The following IGSF3 variants were observed in gnomAD, a reference collection of about 807,000 sequenced individuals.
IGSF3 encodes the protein glu-Trp-Ile EWI motif-containing protein 3.
In IGSF3, 23 loss-of-function variants were observed where a neutral mutation model predicts 114.4. The ratio of observed to expected loss-of-function variants is 0.20; its 90% CI spans 0.14 to 0.28. The LOEUF (loss-of-function observed/expected upper bound fraction) is 0.28. IGSF3 is among the 10% of genes least tolerant of loss of function. IGSF3 has a pLI of 1.00. For synonymous variants in IGSF3, 571 were observed against 645.2 expected (o/e 0.88, Z 1.74); for missense variants, 1,172 against 1,591.5 (o/e 0.74, Z 4.48).
rs776597937 is a variant in IGSF3, at chr1:116,600,304, C to A, written c.1666G>T (p.Val556Leu). The change falls in exon 7 of 11, where the codon GTG becomes TTG. Residue 556 changes from valine (V) to leucine (L), a missense_variant. By Grantham distance (32) the Val-to-Leu change is conservative. This residue lies in a region of IGSF3 where 736 missense variants were observed against 1,042.0 expected (regional missense o/e 0.71). Transcript: ENST00000369486. This position sits in a 1 kb window ranked among gnomAD's most constrained non-coding sequence, Gnocchi z 5.5. ...AVTAISRTPG[V>L]TYSDSFDLQC... ...AAGTCAAAGGAGTCGCTGTAGGTCA[C>A]CCCCGGTGTCCGGGAGATGGCTGTG... The A allele has an allele frequency of 6.2e-7, 1 of 1,611,832 alleles. No homozygotes were observed. Among genetic ancestry groups the A allele is most frequent in the African/African-American group, 1.3e-5 (1 of 74,904 alleles).
At chr1:116,646,706 G>A (rs1254113875) in intron 2 of IGSF3, among the ~76,000 whole-genome samples, 4 of 152,172 alleles carry the variant, frequency 2.6e-5, no homozygotes, top group Admixed American at 6.5e-5. Context: ...GAACAAAGCC[G>A]GGGTCCCTCA....
rs187840712 is a variant in IGSF3 at position 116,615,269 on chromosome 1, C to T, written c.421+811G>A. ...AGCCTGGGCAACAAGAGCGAAGCTC[C>T]ATCACACATACACACATACACACAC... On this transcript the variant is annotated intron_variant, in intron 3 of 10. Coordinates refer to ENST00000369486, the MANE Select transcript of IGSF3 (RefSeq NM_001007237.3). The surrounding 1 kb of genome is among the most constrained non-coding windows in gnomAD (Gnocchi z 4.3). 3.2e-3 allele frequency among the ~76,000 whole-genome samples: 485 copies of T among 149,858 alleles called. 1 individual carries two copies. Among genetic ancestry groups the T allele is most frequent in the Non-Finnish European group, 3.9e-3 (266 of 67,694 alleles).
rs754121541 is a variant in IGSF3, at chr1:116,579,660, G to GTCA, written c.3065_3066insTGA (p.Asp1026dup). On this transcript the variant is annotated inframe_insertion, in exon 10 of 11. Coordinates refer to ENST00000369486, the MANE Select transcript of IGSF3 (RefSeq NM_001007237.3). The surrounding 1 kb of genome is among the most constrained non-coding windows in gnomAD (Gnocchi z 6.4). ...TCCGCTCTGTTGGGTCGTCGTCGTC[G>GTCA]TCGTCGTCCTCCTCCTCCTCCTCCT... 7.6e-4 allele frequency: 1,211 copies of GTCA among 1,596,206 alleles called. 14 individuals are homozygous for GTCA. The Admixed American group carries it at 0.019, about 25-fold the overall frequency.
Position 116,592,541 on chromosome 1 carries a change from A to T in IGSF3, c.2030-3437T>A, listed in dbSNP as rs1039304273. On this transcript the variant is annotated intron_variant, in intron 7 of 10. Transcript: ENST00000369486. This position sits in a 1 kb window ranked among gnomAD's most constrained non-coding sequence, Gnocchi z 4.5. ...GGTAGGAGAGGCTGTTGTGTTTGTT[A>T]CAGGCCAGGATAGGGTGGTTTCAAG... Among the ~76,000 whole-genome samples the T allele has an allele frequency of 2.6e-5, 4 of 152,292 alleles. No homozygotes were observed. Among genetic ancestry groups the T allele is most frequent in the African/African-American group, 9.6e-5 (4 of 41,550 alleles).
In IGSF3 at chr1:116,643,185, A is replaced by G. The variant is rs1230119651; in HGVS notation, c.43+23099T>C. On this transcript the variant is annotated intron_variant, in intron 2 of 10. Coordinates refer to ENST00000369486, the MANE Select transcript of IGSF3 (RefSeq NM_001007237.3). ...TTCTGGAGTTGATCATTTCACAGAA[A>G]GGAAACTGCTATCAACCTGTCTGAG... 3.9e-5 allele frequency among the ~76,000 whole-genome samples: 6 copies of G among 152,206 alleles called. No individual in the cohort carries two copies. The East Asian group carries it at 1.2e-3, about 29-fold the overall frequency.
At chr1:116,640,173 G>A (rs2101052878) in intron 2 of IGSF3, among the ~76,000 whole-genome samples, 1 of 152,140 alleles carries the variant, frequency 6.6e-6, no homozygotes. Flanking sequence ...GACAACAGCA[G>A]CCATTGCAAG....
chr1:116,588,803 G>A lies in IGSF3; in HGVS notation c.2331C>T (p.Ser777=), dbSNP rs141763821. 747 of 1,613,942 alleles carry A rather than the reference G, an allele frequency of 4.6e-4. 5 individuals are homozygous for A. The African/African-American group carries it at 8.5e-3, about 18-fold the overall frequency. The part of the protein sequence containing the change: ...LTVQRAEVSD[S]GSYYCHVEEW... ...CCTCCACGTGGCAGTAGTAGCTGCC[G>A]CTGTCGCTGACCTCGGCTCTCTGGA... Residue 777 remains serine, a synonymous_variant, in exon 8 of 11, where the codon AGC becomes AGT. Coordinates refer to ENST00000369486, the MANE Select transcript of IGSF3 (RefSeq NM_001007237.3). This position sits in a 1 kb window ranked among gnomAD's most constrained non-coding sequence, Gnocchi z 4.9.
rs908314084 is a variant in IGSF3, at chr1:116,585,737, C to G, written c.2441-685G>C. Among the ~76,000 whole-genome samples, 4 of 152,060 alleles carry G rather than the reference C, an allele frequency of 2.6e-5. No homozygotes were observed. Among genetic ancestry groups the G allele is most frequent in the Non-Finnish European group, 5.9e-5 (4 of 68,008 alleles). On this transcript the variant is annotated intron_variant, in intron 8 of 10. Coordinates refer to ENST00000369486, the MANE Select transcript of IGSF3 (RefSeq NM_001007237.3). This position sits in a 1 kb window ranked among gnomAD's most constrained non-coding sequence, Gnocchi z 4.9. ...AGGAGTTTGAGACCAGCCTGGCCAA[C>G]ACAATGAAACCCCATCTCTACTAAA...
At chr1:116,578,913 A>G (rs1306266012) in intron 10 of IGSF3, among the ~76,000 whole-genome samples, 1 of 152,148 alleles carries the variant, frequency 6.6e-6, no homozygotes, top group Non-Finnish European at 1.5e-5. Context: ...CCAACCATAC[A>G]AGATCCACCT....
chr1:116,654,156 C>T lies in IGSF3; in HGVS notation c.43+12128G>A, dbSNP rs1363465650. ...CAACACACCACCATCTCCAAACCAA[C>T]ACCAAACCACTGCCAAACAAAGCTG... On this transcript the variant is annotated intron_variant, in intron 2 of 10. Transcript: ENST00000369486. This position sits in a 1 kb window ranked among gnomAD's most constrained non-coding sequence, Gnocchi z 4.4. Among the ~76,000 whole-genome samples, 1 of 152,210 alleles carries T rather than the reference C, an allele frequency of 6.6e-6. No individual in the cohort carries two copies. The highest frequency in any genetic ancestry group is 2.4e-5 in the African/African-American group (1 of 41,464).
Position 116,595,220 on chromosome 1 carries a change from A to T in IGSF3, c.2029+4721T>A, listed in dbSNP as rs1381680405. The stretch of plus-strand genomic sequence containing the variant: ...GTAGGGCAGTGACCCTGGCTCCTTG[A>T]TGCCAATAACAAGTGCCCCGGTGTT... On this transcript the variant is annotated intron_variant, in intron 7 of 10. Coordinates refer to ENST00000369486, the MANE Select transcript of IGSF3 (RefSeq NM_001007237.3). This position sits in a 1 kb window ranked among gnomAD's most constrained non-coding sequence, Gnocchi z 4.2. Among the ~76,000 whole-genome samples, 2 of 152,176 alleles carry T rather than the reference A, an allele frequency of 1.3e-5. No homozygotes were observed. The highest frequency in any genetic ancestry group is 2.4e-5 in the African/African-American group (1 of 41,428).
intron 7 of IGSF3, among the ~76,000 whole-genome samples, chr1:116,597,779 CAG>C (rs1233347352): frequency 6.6e-6 from 1 of 152,206 alleles, no homozygotes; most frequent in Non-Finnish European, 1.5e-5. Flanking sequence ...CTATGGAAGT[CAG>C]AGATACCTGG....
At chr1:116,578,245 C>A (rs548712853) in intron 10 of IGSF3, among the ~76,000 whole-genome samples, 1 of 152,298 alleles carries the variant, frequency 6.6e-6, no homozygotes, top group East Asian at 1.9e-4. Context: ...TAAAATAAGG[C>A]TGCTGGGTGA....
rs1661203675 is a variant in IGSF3, at chr1:116,616,046, A to G, written c.421+34T>C. On this transcript the variant is annotated intron_variant, in intron 3 of 10. Transcript: ENST00000369486. The surrounding 1 kb of genome is among the most constrained non-coding windows in gnomAD (Gnocchi z 6.6). ...CGCTACTAAAGAACTGAGTCAGGCC[A>G]GACGCTGGCAACGTGAAGACAGCTT... 6.4e-7 allele frequency: 1 copy of G among 1,567,082 alleles called. No homozygotes were observed. Among genetic ancestry groups the G allele is most frequent in the African/African-American group, 1.4e-5 (1 of 73,866 alleles).
rs1203030256 is a variant in IGSF3, at chr1:116,595,566, T to C, written c.2029+4375A>G. Among the ~76,000 whole-genome samples, 1 of 152,210 alleles carries C rather than the reference T, an allele frequency of 6.6e-6. No individual in the cohort carries two copies. Among genetic ancestry groups the C allele is most frequent in the Admixed American group, 6.5e-5 (1 of 15,280 alleles). On this transcript the variant is annotated intron_variant, in intron 7 of 10. Transcript: ENST00000369486. The surrounding 1 kb of genome is among the most constrained non-coding windows in gnomAD (Gnocchi z 4.2). ...CCGATTTGGCAACATCCAGAGGGTA[T>C]TAAATATTCATCCTGACTGCCCATC...
At chr1:116,621,035 G>T (rs370758503) in intron 2 of IGSF3, among the ~76,000 whole-genome samples, 2 of 152,184 alleles carry the variant, frequency 1.3e-5, no homozygotes, top group Non-Finnish European at 2.9e-5. Flanking sequence ...TCACAGGAAT[G>T]GATCTTTCAT....
In IGSF3 at chr1:116,625,795, G is replaced by A. The variant is rs1661553534; in HGVS notation, c.44-9338C>T. Among the ~76,000 whole-genome samples, 1 of 152,208 alleles carries A rather than the reference G, an allele frequency of 6.6e-6. No homozygotes were observed. The highest frequency in any genetic ancestry group is 2.1e-4 in the South Asian group (1 of 4,832). ...CCTAAAATAGAGCTGGTCTAAAGATGATGATTAATGAATGTTAAATTATTG... is the reference window on the plus strand; with the variant it reads ...CCTAAAATAGAGCTGGTCTAAAGATAATGATTAATGAATGTTAAATTATTG... On this transcript the variant is annotated intron_variant, in intron 2 of 10. Transcript: ENST00000369486. The surrounding 1 kb of genome is among the most constrained non-coding windows in gnomAD (Gnocchi z 4.7).
Position 116,666,953 on chromosome 1 carries a change from A to G in IGSF3, c.-627T>C. ...TGAAGCGGTACCCCAGCGCGAGCAG[A>G]TTTCTAAAACAAACACAACAGAGAT... On this transcript the variant is annotated 5_prime_UTR_variant, in exon 2 of 11. Transcript: ENST00000369486. 2.5e-6 allele frequency: 1 copy of G among 402,102 alleles called. No homozygotes were observed. The highest frequency in any genetic ancestry group is 3.6e-5 in the East Asian group (1 of 28,100). 24.9% of individuals were successfully genotyped at this position (402,102 alleles called of 1,614,324 possible). A position where few individuals can be genotyped will look rare whatever the true frequency, so the allele number is the denominator to read the frequency against.
intron 8 of IGSF3, among the ~76,000 whole-genome samples, chr1:116,586,961 C>T (rs1249945570): frequency 1.3e-5 from 2 of 151,884 alleles, no homozygotes; most frequent in Admixed American, 1.3e-4. Context: ...TTTAATGCAC[C>T]AGCAGAGGTT....
Sources: gnomAD v4.1 joint callset for allele counts (sites outside exome capture counted in the v4.1 genomes callset) on GRCh38, gnomAD v4.1.1 for gene constraint, gnomAD v4.1.1 regional missense constraint, Gnocchi (gnomAD v3.1) non-coding constraint, MANE v1.5 for transcripts, NCBI Gene and HGNC (gene_info 2026-07-23, HGNC 2026-07-21) for gene names.